ZSWIM6: variants seen among roughly 807,000 people sequenced by gnomAD.
The protein encoded by ZSWIM6 is zinc finger SWIM-type containing 6.
Under a neutral mutation model 113.2 loss-of-function variants are expected in ZSWIM6, and 9 were observed. The observed-to-expected ratio is 0.08, with a 90% CI of 0.05 to 0.14. The LOEUF is 0.14. Among genes scored for constraint, ZSWIM6 ranks in the 10% least tolerant of loss-of-function variants. The pLI is 1.00. For missense variants in ZSWIM6, 1,162 were observed against 1,552.2 expected, an observed-to-expected ratio of 0.75 and a Z score of 4.22; for synonymous variants, 611 against 606.5, an observed-to-expected ratio of 1.01 and a Z score of -0.11.
At chr5:61,359,160 A>G (rs774041394) in intron 1 of ZSWIM6, among the ~76,000 whole-genome samples, 1 of 152,144 alleles carries the variant, frequency 6.6e-6, no homozygotes, top group Non-Finnish European at 1.5e-5. Context: ...CTGCAGTGGG[A>G]GTGGATCAGA....
chr5:61,378,630 A>T (rs746714929), intron 1 of ZSWIM6, among the ~76,000 whole-genome samples: 4 of 151,748 alleles, frequency 2.6e-5, no homozygotes, highest in Non-Finnish European at 4.4e-5. Flanking sequence ...ATCTCAGCTC[A>T]CCACAACCTC....
At chr5:61,515,090 T>C (rs1330340057) in intron 4 of ZSWIM6, among the ~76,000 whole-genome samples, 2 of 152,184 alleles carry the variant, frequency 1.3e-5, no homozygotes, top group African/African-American at 4.8e-5. Flanking sequence ...TGGTAGTTTG[T>C]GACTTTCAAG....
chr5:61,509,537 G>C (rs191150993), intron 4 of ZSWIM6, among the ~76,000 whole-genome samples: 1 of 152,120 alleles, frequency 6.6e-6, no homozygotes, highest in Admixed American at 6.6e-5. Flanking sequence ...GGATGCAGTT[G>C]ATAATCCAGA....
chr5:61,456,903 C>CTTTT (rs57733333), intron 1 of ZSWIM6, among the ~76,000 whole-genome samples: 1 of 144,668 alleles, frequency 6.9e-6, no homozygotes, highest in South Asian at 2.2e-4. Flanking sequence ...TTTTTTTTTT[C>CTTTT]TTTTTTTTAT....
rs146596305 is a variant in ZSWIM6 at position 61,411,818 on chromosome 5, C to T, written c.677-60863C>T. ...ATCCCATTCATGAGGGCTCTACATC[C>T]GTGACCTACTTAACCTTGTAAAGGC... On this transcript the variant is annotated intron_variant, in intron 1 of 13. Coordinates refer to ENST00000252744, the MANE Select transcript of ZSWIM6 (RefSeq NM_020928.2). 2.2e-3 allele frequency among the ~76,000 whole-genome samples: 337 copies of T among 152,246 alleles called. 1 individual carries two copies. The highest frequency in any genetic ancestry group is 7.9e-3 in the African/African-American group (330 of 41,554).
At chr5:61,477,573 A>G (rs746000595) in intron 2 of ZSWIM6, among the ~76,000 whole-genome samples, 4 of 152,154 alleles carry the variant, frequency 2.6e-5, no homozygotes, top group Non-Finnish European at 4.4e-5. Flanking sequence ...TTCTTATACA[A>G]CCAAGACCAA....
rs556356409 is a variant in ZSWIM6 at position 61,473,102 on chromosome 5, C to T, written c.1033+65C>T. On this transcript the variant is annotated intron_variant, in intron 2 of 13. Coordinates refer to ENST00000252744, the MANE Select transcript of ZSWIM6 (RefSeq NM_020928.2). ...TCCTTTTTCACTTATAAATTCAATTCTTCTGCATAAAAGTGAATTAAATGT... is the reference window on the plus strand; with the variant it reads ...TCCTTTTTCACTTATAAATTCAATTTTTCTGCATAAAAGTGAATTAAATGT... 1.3e-4 allele frequency: 144 copies of T among 1,068,218 alleles called. 1 individual carries two copies. In the African/African-American group the frequency reaches 2.0e-3, roughly 15 times the overall value. The allele number at this position is 1,068,218 out of a possible 1,614,324, so 66.2% of individuals were successfully genotyped here.
At chr5:61,416,037 C>G (rs888323127) in intron 1 of ZSWIM6, among the ~76,000 whole-genome samples, 1 of 151,350 alleles carries the variant, frequency 6.6e-6, no homozygotes, top group Non-Finnish European at 1.5e-5. Context: ...AACCTTCTTA[C>G]ATTTGTGTTG....
chr5:61,372,923 G>GTT lies in ZSWIM6; in HGVS notation c.676+39977_676+39978dup, dbSNP rs879460201. Among the ~76,000 whole-genome samples the GTT allele has an allele frequency of 4.0e-3, 602 of 151,740 alleles. 1 individual carries two copies. Among genetic ancestry groups the GTT allele is most frequent in the African/African-American group, 0.014 (581 of 41,372 alleles). On this transcript the variant is annotated intron_variant, in intron 1 of 13. Transcript: ENST00000252744. ...TTAGATATGAATTAAGATTTTTTGT[G>GTT]TTTAATTTGTAGGAACATTTCTTAA...
chr5:61,505,262 C>T (rs1748571371), intron 4 of ZSWIM6, among the ~76,000 whole-genome samples: 1 of 152,166 alleles, frequency 6.6e-6, no homozygotes, highest in Non-Finnish European at 1.5e-5. Flanking sequence ...TATTGACAGT[C>T]CTTTTTGCCT....
At chr5:61,439,841 T>C (rs533688232) in intron 1 of ZSWIM6, among the ~76,000 whole-genome samples, 1 of 152,316 alleles carries the variant, frequency 6.6e-6, no homozygotes, top group Admixed American at 6.5e-5. Flanking sequence ...GAAACGTTTT[T>C]CTACATTGGT....
intron 1 of ZSWIM6, among the ~76,000 whole-genome samples, chr5:61,400,898 A>T (rs1024707280): frequency 6.6e-6 from 1 of 152,160 alleles, no homozygotes; most frequent in Non-Finnish European, 1.5e-5. Flanking sequence ...GGGAACCCTG[A>T]CAGTGTTTCC....
chr5:61,438,594 G>A (rs1437153019), intron 1 of ZSWIM6, among the ~76,000 whole-genome samples: 2 of 152,118 alleles, frequency 1.3e-5, no homozygotes, highest in Non-Finnish European at 2.9e-5. Context: ...TTAAGAGCAC[G>A]TAATATCAGA....
At chr5:61,403,012 C>G (rs1745970572) in intron 1 of ZSWIM6, among the ~76,000 whole-genome samples, 1 of 152,210 alleles carries the variant, frequency 6.6e-6, no homozygotes, top group Non-Finnish European at 1.5e-5. Context: ...ATGCATGTAT[C>G]TAACTCTGGA....
intron 1 of ZSWIM6, chr5:61,375,153 A>G: frequency 6.2e-7 from 1 of 1,613,126 alleles, no homozygotes; most frequent in Non-Finnish European, 8.5e-7. Context: ...TGAACCCAAT[A>G]GCAATGGCGA....
At chr5:61,538,531 A>G (rs1007616519) in intron 10 of ZSWIM6, among the ~76,000 whole-genome samples, 2 of 152,214 alleles carry the variant, frequency 1.3e-5, no homozygotes, top group African/African-American at 4.8e-5. Context: ...TGAATATTGT[A>G]ATTTTCTGAA....
intron 1 of ZSWIM6, among the ~76,000 whole-genome samples, chr5:61,364,895 C>T (rs1745118732): frequency 6.6e-6 from 1 of 152,152 alleles, no homozygotes; most frequent in African/African-American, 2.4e-5. Context: ...CAGACCATAG[C>T]ATTTAATGTA....
Position 61,352,488 on chromosome 5 carries a change from G to T in ZSWIM6, c.676+19540G>T, listed in dbSNP as rs148856923. Among the ~76,000 whole-genome samples the T allele has an allele frequency of 2.8e-4, 43 of 152,308 alleles. No individual in the cohort carries two copies. The East Asian group carries it at 8.3e-3, about 29-fold the overall frequency. On this transcript the variant is annotated intron_variant, in intron 1 of 13. Coordinates refer to ENST00000252744, the MANE Select transcript of ZSWIM6 (RefSeq NM_020928.2). The stretch of plus-strand genomic sequence containing the variant: ...TGGGAATATTTTCATAACTCTCCAG[G>T]AGGAGGCATTGCTTTTATTCAGTGG...
At chr5:61,503,490 A>C (rs1024229013) in intron 4 of ZSWIM6, among the ~76,000 whole-genome samples, 28 of 152,212 alleles carry the variant, frequency 1.8e-4, no homozygotes, top group African/African-American at 6.5e-4. Flanking sequence ...AGAGACCTTG[A>C]AGTGGCTTAG....
Sources: gnomAD v4.1 joint callset for allele counts (sites outside exome capture counted in the v4.1 genomes callset) on GRCh38, gnomAD v4.1.1 for gene constraint, MANE v1.5 for transcripts, NCBI Gene and HGNC (gene_info 2026-07-23, HGNC 2026-07-21) for gene names.